The following NEDD4L variants were observed in gnomAD, a reference collection of about 807,000 sequenced individuals.
NEDD4L encodes NEDD4 like E3 ubiquitin protein ligase, also known as E3 ubiquitin-protein ligase NEDD4-like.
NEDD4L carries 54 observed loss-of-function variants against 148.9 expected under a neutral mutation model. The ratio of observed to expected loss-of-function variants is 0.36; its 90% CI spans 0.29 to 0.45. The LOEUF is 0.45. Ranked by LOEUF, NEDD4L falls within the 20% of genes least tolerant of loss-of-function variation. NEDD4L has a pLI of 1.00. For missense variants in NEDD4L, 856 were observed against 1,233.8 expected (o/e 0.69, Z 4.59); for synonymous variants, 433 against 440.7 (o/e 0.98, Z 0.22).
At chr18:58,113,760 G>GAACAA (rs113644116) in intron 1 of NEDD4L, among the ~76,000 whole-genome samples, 24 of 151,760 alleles carry the variant, frequency 1.6e-4, no homozygotes, top group African/African-American at 4.3e-4. Context: ...CCAAGTTAAA[G>GAACAA]AACAAAACAA....
At chr18:58,154,102 G>C (rs568097526) in intron 1 of NEDD4L, among the ~76,000 whole-genome samples, 65 of 152,332 alleles carry the variant, frequency 4.3e-4, no homozygotes, top group African/African-American at 1.4e-3. Context: ...ATATTCAACA[G>C]AAACTCCTTA....
rs930720780 is a variant in NEDD4L, at chr18:58,256,846, T to C, written c.297+4792T>C. ...TGCTTACTCTGCGGCGTAACCAAAA[T>C]AAAACCTCACCCTCTGTTCCGGGAG... On this transcript the variant is annotated intron_variant, in intron 5 of 30. Coordinates refer to ENST00000400345, the MANE Select transcript of NEDD4L (RefSeq NM_001144967.3). This position sits in a 1 kb window ranked among gnomAD's most constrained non-coding sequence, Gnocchi z 5.2. 8.4e-7 allele frequency: 1 copy of C among 1,193,196 alleles called. No individual in the cohort carries two copies. Among genetic ancestry groups the C allele is most frequent in the African/African-American group, 1.6e-5 (1 of 63,602 alleles). 73.9% of individuals were successfully genotyped at this position (1,193,196 alleles called of 1,614,324 possible).
At chr18:58,314,141 G>C (rs1317943337) in intron 5 of NEDD4L, among the ~76,000 whole-genome samples, 1 of 152,148 alleles carries the variant, frequency 6.6e-6, no homozygotes, top group Non-Finnish European at 1.5e-5. Flanking sequence ...ATCAGGCCAG[G>C]CATGGTGACT....
rs564562511 is a variant in NEDD4L, at chr18:58,044,536, C to A, written c.-125C>A. ...ACCTGCCGGCGCCCGGCCGCTTACC[C>A]GGCAGGGCGTGCGCAGGGTAGGGTG... On this transcript the variant is annotated 5_prime_UTR_variant, in exon 1 of 31. Coordinates refer to ENST00000400345, the MANE Select transcript of NEDD4L (RefSeq NM_001144967.3). The A allele has an allele frequency of 3.2e-6, 4 of 1,246,392 alleles. No homozygotes were observed. Among genetic ancestry groups the A allele is most frequent in the African/African-American group, 1.6e-5 (1 of 64,198 alleles). 77.2% of individuals were successfully genotyped at this position (1,246,392 alleles called of 1,614,324 possible). A position where few individuals can be genotyped will look rare whatever the true frequency, so the allele number is the denominator to read the frequency against.
At chr18:58,078,587 C>G (rs928020770) in intron 1 of NEDD4L, among the ~76,000 whole-genome samples, 2 of 152,188 alleles carry the variant, frequency 1.3e-5, no homozygotes, top group African/African-American at 4.8e-5. Context: ...ATGGCTTTAC[C>G]TGTCTCTTGA....
At chr18:58,200,244 T>C (rs954355447) in intron 2 of NEDD4L, among the ~76,000 whole-genome samples, 1 of 152,262 alleles carries the variant, frequency 6.6e-6, no homozygotes, top group African/African-American at 2.4e-5. Flanking sequence ...TTGCATTCAC[T>C]AACTCATTTC....
intron 1 of NEDD4L, among the ~76,000 whole-genome samples, chr18:58,063,703 C>T (rs1008787997): frequency 6.6e-6 from 1 of 151,618 alleles, no homozygotes; most frequent in African/African-American, 2.4e-5. Flanking sequence ...GTAGCTGGGA[C>T]TACAGGCACT....
chr18:58,068,351 C>T (rs1452908157), intron 1 of NEDD4L, among the ~76,000 whole-genome samples: 3 of 152,116 alleles, frequency 2.0e-5, no homozygotes, highest in Non-Finnish European at 4.4e-5. Context: ...AGGCGCCTGC[C>T]ACCACGCCTG....
At chr18:58,394,405 C>CA (rs367610903) in intron 30 of NEDD4L, among the ~76,000 whole-genome samples, 290 of 152,316 alleles carry the variant, frequency 1.9e-3, no homozygotes, top group African/African-American at 6.6e-3. Flanking sequence ...ATCTGTGCAC[C>CA]TTTTTTAAAG....
intron 2 of NEDD4L, among the ~76,000 whole-genome samples, chr18:58,175,143 C>T (rs1599368603): frequency 6.6e-6 from 1 of 152,160 alleles, no homozygotes; most frequent in Non-Finnish European, 1.5e-5. Flanking sequence ...CCTGAGCCAA[C>T]GTTTGGGAGA....
At chr18:58,305,994 C>T (rs892892455) in intron 5 of NEDD4L, among the ~76,000 whole-genome samples, 2 of 152,026 alleles carry the variant, frequency 1.3e-5, no homozygotes, top group African/African-American at 4.8e-5. Flanking sequence ...GCTTTTATAC[C>T]CAGCAAAGTG....
intron 16 of NEDD4L, among the ~76,000 whole-genome samples, chr18:58,344,695 G>A (rs776004855): frequency 7.3e-5 from 11 of 150,674 alleles, no homozygotes; most frequent in African/African-American, 1.7e-4. Context: ...CGGGCAGCTC[G>A]TTGGAAAATA....
Position 58,330,785 on chromosome 18 carries a change from C to T in NEDD4L, c.861C>T (p.Leu287=), listed in dbSNP as rs745685509. The T allele has an allele frequency of 5.0e-6, 8 of 1,612,752 alleles. No homozygotes were observed. The highest frequency in any genetic ancestry group is 1.7e-5 in the Admixed American group (1 of 59,890). ...SEEVNIAGDS[L]GLALPPPPAS... is the part of the protein sequence containing the mutation. ...AAGTGAATATCGCTGGAGACTCTCT[C>T]GGTCTGGCTCTGCCCCCACCACCGG... is the stretch of plus-strand genomic sequence containing the variant. Residue 287 remains leucine, a synonymous_variant, in exon 11 of 31, where the codon CTC becomes CTT. Transcript: ENST00000400345.
chr18:58,348,690 C>T (rs10513913), intron 16 of NEDD4L, among the ~76,000 whole-genome samples: 47,859 of 151,896 alleles, frequency 0.32, 7,811 homozygotes, highest in Middle Eastern at 0.4. Flanking sequence ...GGGCAACTTC[C>T]TGTTCTCTCT....
intron 6 of NEDD4L, among the ~76,000 whole-genome samples, chr18:58,320,401 G>C (rs1463374195): frequency 6.6e-6 from 1 of 152,198 alleles, no homozygotes; most frequent in Non-Finnish European, 1.5e-5. Context: ...CAGTGAATTT[G>C]TTCTGCCTTA....
chr18:58,258,486 G>A (rs2048897129), intron 5 of NEDD4L, among the ~76,000 whole-genome samples: 1 of 152,154 alleles, frequency 6.6e-6, no homozygotes, highest in Admixed American at 6.5e-5. Flanking sequence ...AACTCATTTG[G>A]TTTGAACTTT....
intron 5 of NEDD4L, among the ~76,000 whole-genome samples, chr18:58,306,201 C>T (rs988527221): frequency 6.6e-6 from 1 of 151,878 alleles, no homozygotes; most frequent in Admixed American, 6.6e-5. Context: ...TTGTCCATGT[C>T]CAAGTCCCCT....
intron 28 of NEDD4L, chr18:58,389,469 G>A: frequency 3.4e-6 from 1 of 293,222 alleles, no homozygotes; most frequent in Non-Finnish European, 6.3e-6. Context: ...TTATTTGAGG[G>A]ACTGGTCCTC....
chr18:58,082,200 C>T lies in NEDD4L; in HGVS notation c.48+37492C>T, dbSNP rs181338412. ...TCAGCTCACTTCAACCCCTGCCTCC[C>T]GGGTTCAAGCAATTCTCCTGCCTCA... is the stretch of plus-strand genomic sequence containing the variant. On this transcript the variant is annotated intron_variant, in intron 1 of 30. Transcript: ENST00000400345. Among the ~76,000 whole-genome samples, 464 of 145,914 alleles carry T rather than the reference C, an allele frequency of 3.2e-3. 1 individual carries two copies. Among genetic ancestry groups the T allele is most frequent in the Middle Eastern group, 0.011 (3 of 278 alleles).
Sources: allele counts gnomAD v4.1 joint callset (sites outside exome capture counted in the v4.1 genomes callset), GRCh38; gene constraint gnomAD v4.1.1; non-coding constraint Gnocchi (gnomAD v3.1); transcripts MANE v1.5; gene names NCBI Gene and HGNC (gene_info 2026-07-23, HGNC 2026-07-21).